RPL35A: variants seen among roughly 807,000 people sequenced by gnomAD.
RPL35A encodes large ribosomal subunit protein eL33.
RPL35A carries 1 observed loss-of-function variant against 16.7 expected under a neutral mutation model. That is an observed-to-expected ratio of 0.06 (90% CI 0.02 to 0.28). The LOEUF is 0.28. Ranked by LOEUF, RPL35A falls within the 10% of genes least tolerant of loss-of-function variation. The pLI is 1.00. For synonymous variants in RPL35A, 58 were observed against 47.0 expected (o/e 1.23, Z -0.96); for missense variants, 91 against 138.7 (o/e 0.66, Z 1.73).
At chr3:197,954,240 A>C in intron 4 of RPL35A, 93 bp downstream of exon 4, 3 of 1,300,718 alleles carry the variant, frequency 2.3e-6, no homozygotes, top group Non-Finnish European at 3.3e-6. Flanking sequence ...GTGGTTGTGA[A>C]ATTGACACCA....
At chr3:197,954,983 C>G (rs1720416729) in intron 4 of RPL35A, among the ~76,000 whole-genome samples, 1 of 152,174 alleles carries the variant, frequency 6.6e-6, no homozygotes, top group Non-Finnish European at 1.5e-5. Flanking sequence ...AACAGACTCT[C>G]ATGTTCCTAG....
In RPL35A at chr3:197,950,982, C is replaced by T. The variant is rs779071104; in HGVS notation, c.11+4C>T. On this transcript the variant is annotated splice_donor_region_variant and intron_variant, in intron 2 of 4. Transcript: ENST00000647248. ...TAAAAGGAACTATGTCTGGAAGGTACGCGTTTTAAATATAGTTCTTTATTT... is the reference window on the plus strand; with the variant it reads ...TAAAAGGAACTATGTCTGGAAGGTATGCGTTTTAAATATAGTTCTTTATTT... 2.5e-6 allele frequency: 4 copies of T among 1,613,076 alleles called. No individual in the cohort carries two copies. The highest frequency in any genetic ancestry group is 1.3e-5 in the African/African-American group (1 of 74,872).
At chr3:197,951,104 G>C in intron 2 of RPL35A, 55 bp from the exon 3 acceptor site, 1 of 1,612,226 alleles carries the variant, frequency 6.2e-7, no homozygotes, top group Non-Finnish European at 8.5e-7. Flanking sequence ...GTGATTACAA[G>C]TCAGATTGGT....
Position 197,954,017 on chromosome 3 carries a change from C to T in RPL35A, c.179C>T (p.Pro60Leu). ...TTTAAAATCAGCAACACAGTCACTC[C>T]TGGCGGCAAACCAAACAAAACCAGA... ...VYKAKNNTVT[P>L]GGKPNKTRVI... Residue 60 changes from proline to leucine, a missense_variant, in exon 4 of 5, where the codon CCT becomes CTT. By Grantham distance (98) the Pro-to-Leu change is moderately conservative. Transcript: ENST00000647248. 6.2e-7 allele frequency: 1 copy of T among 1,613,170 alleles called. No individual in the cohort carries two copies. Among genetic ancestry groups the T allele is most frequent in the South Asian group, 1.1e-5 (1 of 91,050 alleles).
chr3:197,951,994 G>A (rs184718008), intron 3 of RPL35A, among the ~76,000 whole-genome samples: 2 of 152,260 alleles, frequency 1.3e-5, no homozygotes, highest in East Asian at 1.9e-4. Flanking sequence ...TCTGAGGGTG[G>A]TGTTGGATTT....
intron 1 of RPL35A, 27 bp downstream of exon 1, chr3:197,950,248 T>C (rs1246850007): frequency 1.6e-6 from 2 of 1,230,472 alleles, no homozygotes; most frequent in Non-Finnish European, 2.0e-6. Flanking sequence ...CTGCTGAAAT[T>C]TGGGGGCAAA....
intron 3 of RPL35A, among the ~76,000 whole-genome samples, chr3:197,952,867 C>G (rs1720229210): frequency 6.6e-6 from 1 of 150,984 alleles, no homozygotes; most frequent in Non-Finnish European, 1.5e-5. Flanking sequence ...AAGTGTTGCT[C>G]TGTTGCCCAG....
In RPL35A at chr3:197,955,672, T is replaced by G. The variant is rs766593684; in HGVS notation, c.310-78T>G. The G allele has an allele frequency of 9.7e-5, 121 of 1,241,110 alleles. 1 individual carries two copies. The Middle Eastern group carries it at 1.6e-3, about 16-fold the overall frequency. 76.9% of individuals were successfully genotyped at this position (1,241,110 alleles called of 1,614,324 possible). A position where few individuals can be genotyped will look rare whatever the true frequency, so the allele number is the denominator to read the frequency against. ...ATGTAATTGGTAGCCTTTCAGAGAT[T>G]TATCCGTATTACGGTTCTTGATTTG... On this transcript the variant is annotated intron_variant, in intron 4 of 4. Coordinates refer to ENST00000647248, the MANE Select transcript of RPL35A (RefSeq NM_000996.4).
At chr3:197,952,282 G>A (rs1258516781) in intron 3 of RPL35A, among the ~76,000 whole-genome samples, 1 of 140,616 alleles carries the variant, frequency 7.1e-6, no homozygotes, top group African/African-American at 2.7e-5. Context: ...GGATTCTCCT[G>A]CCTTAGCCTC....
Position 197,955,906 on chromosome 3 carries a change from A to G in RPL35A, c.*133A>G. ...GGTTGCTCAGCATTTTTGGAGTACA[A>G]GGGGGTCAGAGAGACATGTGATGAA... is the stretch of plus-strand genomic sequence containing the variant. On this transcript the variant is annotated 3_prime_UTR_variant, in exon 5 of 5. Transcript: ENST00000647248. The G allele has an allele frequency of 1.3e-6, 1 of 758,608 alleles. No homozygotes were observed. The highest frequency in any genetic ancestry group is 2.3e-6 in the Non-Finnish European group (1 of 430,566). 47.0% of individuals were successfully genotyped at this position (758,608 alleles called of 1,614,324 possible).
chr3:197,955,717 C>G, intron 4 of RPL35A, 33 bp from the exon 5 acceptor site: 1 of 1,554,216 alleles, frequency 6.4e-7, no homozygotes. Context: ...ATATAACATT[C>G]ACCTAATGTT....
intron 3 of RPL35A, among the ~76,000 whole-genome samples, chr3:197,953,325 A>G (rs757846363): frequency 6.6e-6 from 1 of 152,198 alleles, no homozygotes; most frequent in Non-Finnish European, 1.5e-5. Context: ...GCAGTGAGCT[A>G]TGATTGGGCC....
intron 4 of RPL35A, among the ~76,000 whole-genome samples, chr3:197,955,380 A>C (rs759862928): frequency 6.6e-6 from 1 of 151,398 alleles, no homozygotes; most frequent in African/African-American, 2.4e-5. Context: ...CTCCTGCCTC[A>C]GCCTCCTGCG....
In RPL35A at chr3:197,956,586, C is replaced by T. The variant is rs1433930728; in HGVS notation, c.*813C>T. ...ATATTTTAGATTTCTTGGGGATATG[C>T]TAAAATAAAACAACTAAGGCATCAG... On this transcript the variant is annotated 3_prime_UTR_variant, in exon 5 of 5. Transcript: ENST00000647248. The T allele has an allele frequency of 6.7e-6, 1 of 148,878 alleles. No individual in the cohort carries two copies. Among genetic ancestry groups the T allele is most frequent in the African/African-American group, 2.5e-5 (1 of 40,278 alleles). The allele number at this position is 148,878 out of a possible 1,614,324, so 9.2% of individuals were successfully genotyped here.
intron 4 of RPL35A, chr3:197,954,579 A>G: frequency 3.8e-6 from 1 of 264,518 alleles, no homozygotes; most frequent in Non-Finnish European, 7.4e-6. Context: ...GCATGATCTC[A>G]GCTTGCTGCT....
chr3:197,952,998 A>G (rs940650311), intron 3 of RPL35A, among the ~76,000 whole-genome samples: 32 of 151,846 alleles, frequency 2.1e-4, no homozygotes, highest in African/African-American at 7.5e-4. Flanking sequence ...ACAGGGTTTC[A>G]CCATGTTGGC....
chr3:197,950,630 T>A (rs1463144774), intron 1 of RPL35A: 10 of 445,190 alleles, frequency 2.2e-5, no homozygotes, highest in Non-Finnish European at 4.0e-5. Context: ...GCTTCATTTC[T>A]TTTCCTGAGT....
chr3:197,955,571 T>C (rs115750860), intron 4 of RPL35A, among the ~76,000 whole-genome samples, 179 bp from the exon 5 acceptor site: 1,560 of 152,232 alleles, frequency 0.01, 13 homozygotes, highest in Non-Finnish European at 0.017. Flanking sequence ...CAGTACATGT[T>C]TTTTATGAGT....
chr3:197,955,944 A>G lies in RPL35A; in HGVS notation c.*171A>G. On this transcript the variant is annotated 3_prime_UTR_variant, in exon 5 of 5. Coordinates refer to ENST00000647248, the MANE Select transcript of RPL35A (RefSeq NM_000996.4). ...GACATGTGATGAAAATTACAGGGCG[A>G]GTACAGAGATTTAGAAGGGAACGGG... The G allele has an allele frequency of 1.6e-6, 1 of 640,270 alleles. No homozygotes were observed. The allele number at this position is 640,270 out of a possible 1,614,324, so 39.7% of individuals were successfully genotyped here.
Sources: allele counts gnomAD v4.1 joint callset (sites outside exome capture counted in the v4.1 genomes callset), GRCh38; gene constraint gnomAD v4.1.1; transcripts MANE v1.5; gene names NCBI Gene and HGNC (gene_info 2026-07-23, HGNC 2026-07-21).